XXYLT1: variants seen among roughly 807,000 people sequenced by gnomAD.
XXYLT1 encodes xyloside xylosyltransferase 1.
Under a neutral mutation model 28.9 loss-of-function variants are expected in XXYLT1, and 20 were observed. That is an observed-to-expected ratio of 0.69 (90% CI 0.49 to 1.00). The LOEUF (loss-of-function observed/expected upper bound fraction) is 1.00, where lower values mean the gene tolerates loss of function less well. Among genes scored for constraint, XXYLT1 ranks in the 50% least tolerant of loss-of-function variants. The pLI is 0.00. For synonymous variants in XXYLT1, 257 were observed against 253.8 expected, an observed-to-expected ratio of 1.01 and a Z score of -0.12; for missense variants, 542 against 560.1, an observed-to-expected ratio of 0.97 and a Z score of 0.33.
intron 1 of XXYLT1, among the ~76,000 whole-genome samples, chr3:195,259,064 T>C (rs1231967467): frequency 6.6e-6 from 1 of 152,214 alleles, no homozygotes; most frequent in Middle Eastern, 3.2e-3. Context: ...GCACCTGCCA[T>C]GTGCCAGGCT....
At chr3:195,220,263 T>G (rs1487986894) in intron 2 of XXYLT1, among the ~76,000 whole-genome samples, 1 of 152,156 alleles carries the variant, frequency 6.6e-6, no homozygotes, top group Non-Finnish European at 1.5e-5. Context: ...CGCCTCAGCC[T>G]CCCAAGTAGC....
chr3:195,174,819 G>C (rs1721581769), intron 2 of XXYLT1, among the ~76,000 whole-genome samples: 1 of 150,930 alleles, frequency 6.6e-6, no homozygotes, highest in African/African-American at 2.4e-5. Flanking sequence ...GTCCCACTAT[G>C]TTGCCTGAGC....
rs930794612 is a variant in XXYLT1, at chr3:195,078,263, G to C, written c.786-8152C>G. ...CAAGCAGGTGGTACGGAATTCTGGAGAGTTCTGACATTTAGGGCGTGGAAG... is the reference window on the plus strand; with the variant it reads ...CAAGCAGGTGGTACGGAATTCTGGACAGTTCTGACATTTAGGGCGTGGAAG... On this transcript the variant is annotated intron_variant, in intron 3 of 3. Transcript: ENST00000310380. This position sits in a 1 kb window ranked among gnomAD's most constrained non-coding sequence, Gnocchi z 5.0. Among the ~76,000 whole-genome samples, 1 of 152,058 alleles carries C rather than the reference G, an allele frequency of 6.6e-6. No homozygotes were observed. Among genetic ancestry groups the C allele is most frequent in the African/African-American group, 2.4e-5 (1 of 41,398 alleles).
chr3:195,241,787 CCAACACACACACACATGCGCA>C (rs1321691109), intron 1 of XXYLT1, among the ~76,000 whole-genome samples: 11 of 152,010 alleles, frequency 7.2e-5, no homozygotes, highest in African/African-American at 2.4e-4. Flanking sequence ...ACCCTCACCA[CCAACACACACACACATGCGCA>C]CAACACACAC....
intron 1 of XXYLT1, among the ~76,000 whole-genome samples, chr3:195,265,089 G>A (rs1380655973): frequency 6.6e-6 from 1 of 151,938 alleles, no homozygotes; most frequent in Non-Finnish European, 1.5e-5. Context: ...AAAAGAAAAG[G>A]CCAGGCACGG....
chr3:195,073,867 C>T (rs1714965434), intron 3 of XXYLT1, among the ~76,000 whole-genome samples: 2 of 152,162 alleles, frequency 1.3e-5, no homozygotes, highest in Non-Finnish European at 2.9e-5. Context: ...TGGAAAAGGG[C>T]ATCTGAAGTC....
chr3:195,211,804 G>A (rs1356932275), intron 2 of XXYLT1, among the ~76,000 whole-genome samples: 1 of 151,936 alleles, frequency 6.6e-6, no homozygotes, highest in African/African-American at 2.4e-5. Context: ...AGGAGAGGGG[G>A]CAAGCCACGG....
chr3:195,225,013 G>C (rs1386285608), intron 2 of XXYLT1, among the ~76,000 whole-genome samples: 1 of 152,220 alleles, frequency 6.6e-6, no homozygotes, highest in Non-Finnish European at 1.5e-5. Flanking sequence ...GGTCATGTAT[G>C]GGGCACCTGA....
At chr3:195,071,239 G>A (rs1054943460) in intron 3 of XXYLT1, among the ~76,000 whole-genome samples, 4 of 152,188 alleles carry the variant, frequency 2.6e-5, no homozygotes, top group African/African-American at 4.8e-5. Flanking sequence ...AGGACACATC[G>A]TGGCAGAACC....
intron 3 of XXYLT1, among the ~76,000 whole-genome samples, chr3:195,143,824 A>ATATATTTTTT (rs1719646236): frequency 1.1e-5 from 1 of 89,966 alleles, no homozygotes; most frequent in Non-Finnish European, 2.3e-5. Flanking sequence ...AGATATAGAT[A>ATATATTTTTT]TATATAGATA....
intron 1 of XXYLT1, among the ~76,000 whole-genome samples, chr3:195,253,117 C>T (rs1021465584): frequency 1.3e-5 from 2 of 152,174 alleles, no homozygotes; most frequent in Non-Finnish European, 2.9e-5. Flanking sequence ...CCCAGCTGCC[C>T]GCTTTTCTCC....
At chr3:195,259,465 TG>T in intron 1 of XXYLT1, 2 of 556,298 alleles carry the variant, frequency 3.6e-6, no homozygotes, top group Non-Finnish European at 4.6e-6. Flanking sequence ...GAGCCCTGGA[TG>T]GGAAGGCTGT....
chr3:195,137,238 G>C (rs1246782152), intron 3 of XXYLT1, among the ~76,000 whole-genome samples: 2 of 152,200 alleles, frequency 1.3e-5, no homozygotes, highest in Non-Finnish European at 2.9e-5. Flanking sequence ...GACATGTAGG[G>C]ACAGGGGCAT....
At position 195,068,425 on chromosome 3, in the gene XXYLT1, C is replaced by A. The variant is rs1210801354; in HGVS notation, c.*1290G>T. The stretch of plus-strand genomic sequence containing the variant: ...GCAGCCTACGTACAGGAGGCCCCAT[C>A]AAAAGAAATGACGCTTTAATTTCTG... On this transcript the variant is annotated 3_prime_UTR_variant, in exon 4 of 4. Coordinates refer to ENST00000310380, the MANE Select transcript of XXYLT1 (RefSeq NM_152531.5). 6.6e-6 allele frequency: 1 copy of A among 152,132 alleles called. No homozygotes were observed. Among genetic ancestry groups the A allele is most frequent in the Non-Finnish European group, 1.5e-5 (1 of 68,042 alleles). 9.4% of individuals were successfully genotyped at this position (152,132 alleles called of 1,614,324 possible).
intron 3 of XXYLT1, among the ~76,000 whole-genome samples, chr3:195,121,341 G>C (rs1008378807): frequency 2.0e-5 from 3 of 152,196 alleles, no homozygotes; most frequent in African/African-American, 4.8e-5. Context: ...GTTCCCTCTT[G>C]TACAGAAAGC....
At chr3:195,225,870 G>T (rs1031132080) in intron 2 of XXYLT1, among the ~76,000 whole-genome samples, 1 of 152,030 alleles carries the variant, frequency 6.6e-6, no homozygotes, top group Non-Finnish European at 1.5e-5. Context: ...CCTTGGTGTC[G>T]GCATGTGAAG....
intron 2 of XXYLT1, among the ~76,000 whole-genome samples, chr3:195,179,486 A>G (rs6809253): frequency 0.021 from 3,209 of 152,250 alleles, 113 homozygotes; most frequent in African/African-American, 0.074. Context: ...AGAAAAGGAT[A>G]TGGAAGCTCA....
At chr3:195,106,325 G>C (rs1278106110) in intron 3 of XXYLT1, among the ~76,000 whole-genome samples, 2 of 152,124 alleles carry the variant, frequency 1.3e-5, no homozygotes, top group African/African-American at 2.4e-5. Flanking sequence ...TTGATGGAGA[G>C]ATGCTCTTGT....
intron 2 of XXYLT1, among the ~76,000 whole-genome samples, chr3:195,204,650 T>C (rs1278834494): frequency 6.6e-6 from 1 of 152,202 alleles, no homozygotes; most frequent in East Asian, 1.9e-4. Flanking sequence ...GTGGTCTTCA[T>C]GGGTTGCTCA....
Sources: gnomAD v4.1 joint callset for allele counts (sites outside exome capture counted in the v4.1 genomes callset) on GRCh38, gnomAD v4.1.1 for gene constraint, Gnocchi (gnomAD v3.1) non-coding constraint, MANE v1.5 for transcripts, NCBI Gene and HGNC (gene_info 2026-07-23, HGNC 2026-07-21) for gene names.